The following EXOC4 variants were observed in gnomAD, a reference collection of about 807,000 sequenced individuals.
EXOC4 encodes SEC8-like 1.
A neutral mutation model predicts 107.2 loss-of-function variants in EXOC4; 71 were observed. That is an observed-to-expected ratio of 0.66 (90% CI 0.55 to 0.81). The LOEUF is 0.81. Among genes scored for constraint, EXOC4 ranks in the 30% least tolerant of loss-of-function variants. EXOC4 has a pLI of 0.00. For missense variants in EXOC4, 1,108 were observed against 1,189.6 expected (o/e 0.93, Z 1.01); for synonymous variants, 456 against 441.2 (o/e 1.03, Z -0.42).
chr7:133,627,862 G>C (rs1420266711), intron 9 of EXOC4, among the ~76,000 whole-genome samples: 1 of 152,144 alleles, frequency 6.6e-6, no homozygotes, highest in Non-Finnish European at 1.5e-5. Flanking sequence ...GAAAACGTAT[G>C]CTCTGATTAG....
At chr7:133,988,724 C>G (rs1794177786) in intron 14 of EXOC4, among the ~76,000 whole-genome samples, 1 of 152,028 alleles carries the variant, frequency 6.6e-6, no homozygotes, top group Non-Finnish European at 1.5e-5. Flanking sequence ...AATCATGAGA[C>G]AGCATGATAT....
intron 15 of EXOC4, among the ~76,000 whole-genome samples, chr7:134,002,443 A>G (rs897483879): frequency 2.6e-5 from 4 of 152,162 alleles, no homozygotes; most frequent in African/African-American, 9.7e-5. Flanking sequence ...GACACTAAAA[A>G]TACCATCCAA....
At chr7:133,622,380 C>A (rs1176844558) in intron 9 of EXOC4, among the ~76,000 whole-genome samples, 1 of 151,726 alleles carries the variant, frequency 6.6e-6, no homozygotes, top group Non-Finnish European at 1.5e-5. Flanking sequence ...AGGTTGCAAA[C>A]CTTTGTTTTT....
At chr7:133,355,437 C>T (rs1223005656) in intron 5 of EXOC4, among the ~76,000 whole-genome samples, 2 of 151,964 alleles carry the variant, frequency 1.3e-5, no homozygotes, top group Admixed American at 6.6e-5. Context: ...AGTTGCGAAA[C>T]CCGGAATTCC....
intron 9 of EXOC4, among the ~76,000 whole-genome samples, chr7:133,592,665 T>C (rs1418001379): frequency 1.3e-5 from 2 of 152,088 alleles, no homozygotes; most frequent in African/African-American, 2.4e-5. Flanking sequence ...TGTAGTGGCA[T>C]GATCTCAGCT....
intron 13 of EXOC4, among the ~76,000 whole-genome samples, chr7:133,921,051 A>G (rs1233938003): frequency 1.3e-5 from 2 of 152,222 alleles, no homozygotes; most frequent in African/African-American, 4.8e-5. Flanking sequence ...TATGAGGCCA[A>G]GAACATCCAC....
intron 6 of EXOC4, among the ~76,000 whole-genome samples, chr7:133,374,317 T>G (rs1295302468): frequency 1.3e-5 from 2 of 152,178 alleles, no homozygotes; most frequent in Admixed American, 6.5e-5. Context: ...GTATGTTTTT[T>G]TTTTCAGGCA....
chr7:133,253,097 C>G lies in EXOC4; in HGVS notation c.-5C>G. 1 of 1,614,130 alleles carries G rather than the reference C, an allele frequency of 6.2e-7. No individual in the cohort carries two copies. Among genetic ancestry groups the G allele is most frequent in the African/African-American group, 1.3e-5 (1 of 75,040 alleles). On this transcript the variant is annotated 5_prime_UTR_variant, in exon 1 of 18. Coordinates refer to ENST00000253861, the MANE Select transcript of EXOC4 (RefSeq NM_021807.4). ...TGGAGCCTAGCGGCTCTCCCCGCGT[C>G]CAAGATGGCGGCAGAAGCAGCTGGT... is the stretch of plus-strand genomic sequence containing the variant.
chr7:133,375,073 C>G, intron 7 of EXOC4, 71 bp downstream of exon 7: 1 of 1,259,842 alleles, frequency 7.9e-7, no homozygotes. Flanking sequence ...ACAACAGCAA[C>G]AACAAGCCAC....
At chr7:133,281,689 G>A (rs1210382779) in intron 2 of EXOC4, among the ~76,000 whole-genome samples, 3 of 150,054 alleles carry the variant, frequency 2.0e-5, no homozygotes, top group Non-Finnish European at 4.4e-5. Flanking sequence ...TCCAAATTCA[G>A]TACTTTTCTT....
At chr7:133,386,186 G>A (rs908984350) in intron 7 of EXOC4, among the ~76,000 whole-genome samples, 1 of 152,148 alleles carries the variant, frequency 6.6e-6, no homozygotes, top group Non-Finnish European at 1.5e-5. Flanking sequence ...CTAAGCCTTT[G>A]CATTACCCTA....
At chr7:134,024,693 C>T (rs921902939) in intron 17 of EXOC4, among the ~76,000 whole-genome samples, 11 of 152,186 alleles carry the variant, frequency 7.2e-5, no homozygotes, top group Admixed American at 5.2e-4. Context: ...CATAAACACA[C>T]AAAAGCCCAA....
At chr7:134,093,101 G>A in the EXOC4 span, among the ~76,000 whole-genome samples, 1 of 152,022 alleles carries the variant, frequency 6.6e-6, no homozygotes, top group African/African-American at 2.4e-5. Flanking sequence ...AACCTTGAAT[G>A]TAAATGGTCT....
chr7:133,413,814 C>T (rs934642369), intron 7 of EXOC4, among the ~76,000 whole-genome samples: 1 of 152,102 alleles, frequency 6.6e-6, no homozygotes, highest in East Asian at 1.9e-4. Flanking sequence ...AGATCATATA[C>T]TTTCCTGGTT....
chr7:133,796,917 T>G (rs1384872956), intron 10 of EXOC4, among the ~76,000 whole-genome samples: 1 of 152,158 alleles, frequency 6.6e-6, no homozygotes, highest in South Asian at 2.1e-4. Context: ...CTTAATGGAG[T>G]GTCAGCATAT....
At chr7:133,490,470 T>C (rs1309997480) in intron 9 of EXOC4, among the ~76,000 whole-genome samples, 2 of 152,142 alleles carry the variant, frequency 1.3e-5, no homozygotes, top group Non-Finnish European at 2.9e-5. Context: ...AAGAGAAGTT[T>C]TCCAGGTAAA....
chr7:133,416,612 T>G (rs1797480039), intron 7 of EXOC4, among the ~76,000 whole-genome samples: 1 of 152,154 alleles, frequency 6.6e-6, no homozygotes, highest in African/African-American at 2.4e-5. Context: ...GATGAGACAA[T>G]GTGTACAAAG....
intron 12 of EXOC4, among the ~76,000 whole-genome samples, chr7:133,905,047 T>C (rs1247994800): frequency 2.0e-5 from 3 of 152,126 alleles, no homozygotes; most frequent in Non-Finnish European, 2.9e-5. Context: ...ATTCAAATGA[T>C]CCAAAATGGT....
At chr7:134,033,906 G>A (rs1311795621) in intron 17 of EXOC4, among the ~76,000 whole-genome samples, 2 of 152,176 alleles carry the variant, frequency 1.3e-5, no homozygotes, top group East Asian at 3.9e-4. Flanking sequence ...CCTAGAATTA[G>A]ACATCCAAAC....
Sources: gnomAD v4.1 joint callset for allele counts (sites outside exome capture counted in the v4.1 genomes callset) on GRCh38, gnomAD v4.1.1 for gene constraint, MANE v1.5 for transcripts, NCBI Gene and HGNC (gene_info 2026-07-23, HGNC 2026-07-21) for gene names.